Variants in GSG1L observed in about 807,000 individuals in gnomAD.
The protein encoded by GSG1L is GSG1 like, also known as germ cell-specific gene 1-like protein.
A neutral mutation model predicts 42.1 loss-of-function variants in GSG1L; 24 were observed. That is an observed-to-expected ratio of 0.57 (90% CI 0.41 to 0.80). The LOEUF (loss-of-function observed/expected upper bound fraction) is 0.80, where lower values mean the gene tolerates loss of function less well. GSG1L is among the 30% of genes least tolerant of loss of function. GSG1L has a pLI of 0.00. For missense variants in GSG1L, 445 were observed against 472.2 expected, an observed-to-expected ratio of 0.94 and a Z score of 0.53; for synonymous variants, 215 against 203.5, an observed-to-expected ratio of 1.06 and a Z score of -0.48.
chr16:27,895,852 G>A (rs565172191), intron 2 of GSG1L, among the ~76,000 whole-genome samples: 2 of 152,324 alleles, frequency 1.3e-5, no homozygotes, highest in South Asian at 4.1e-4. Flanking sequence ...AAAAGGTAGG[G>A]CAACAGAGCA....
intron 2 of GSG1L, among the ~76,000 whole-genome samples, chr16:27,961,499 T>C (rs2085071990): frequency 6.6e-6 from 1 of 152,252 alleles, no homozygotes; most frequent in Non-Finnish European, 1.5e-5. Flanking sequence ...GTGTGAGACC[T>C]AAGTGACTTC....
intron 4 of GSG1L, among the ~76,000 whole-genome samples, chr16:27,840,807 C>A (rs530520449): frequency 6.6e-6 from 1 of 152,136 alleles, no homozygotes; most frequent in African/African-American, 2.4e-5. Flanking sequence ...CCCAAGGACC[C>A]AGCCTCCAGG....
intron 3 of GSG1L, chr16:27,863,397 C>G (rs915368563): frequency 6.6e-6 from 1 of 152,100 alleles, no homozygotes; most frequent in Non-Finnish European, 1.5e-5. Context: ...AAACTGTTAA[C>G]CCAGCTTTAT....
chr16:27,814,132 G>A (rs2083065487), intron 5 of GSG1L, among the ~76,000 whole-genome samples: 1 of 152,074 alleles, frequency 6.6e-6, no homozygotes, highest in Non-Finnish European at 1.5e-5. Context: ...CTTTCTTTGA[G>A]CCAAAATCTC....
intron 3 of GSG1L, among the ~76,000 whole-genome samples, chr16:27,865,003 T>C (rs1392334533): frequency 6.6e-6 from 1 of 151,978 alleles, no homozygotes; most frequent in Admixed American, 6.6e-5. Flanking sequence ...AGGCTCAGGG[T>C]TTGGTTTGGG....
At chr16:27,880,419 G>T (rs527818780) in intron 3 of GSG1L, among the ~76,000 whole-genome samples, 1 of 152,070 alleles carries the variant, frequency 6.6e-6, no homozygotes, top group Admixed American at 6.6e-5. Flanking sequence ...TTGTCCTCCC[G>T]CCTGGTCACT....
rs2085057279 is a variant in GSG1L, at chr16:27,960,467, T to C, written c.397+2689A>G. Among the ~76,000 whole-genome samples, 3 of 152,322 alleles carry C rather than the reference T, an allele frequency of 2.0e-5. No individual in the cohort carries two copies. The South Asian group carries it at 6.2e-4, about 32-fold the overall frequency. ...CAGACCAGAAAGATGCCAGGAGGGA[T>C]GTCCCAGAGGGAGCCAGTGCGGGAG... On this transcript the variant is annotated intron_variant, in intron 2 of 6. Coordinates refer to ENST00000447459, the MANE Select transcript of GSG1L (RefSeq NM_001109763.2).
intron 2 of GSG1L, among the ~76,000 whole-genome samples, chr16:27,900,928 G>C (rs1390188115): frequency 6.6e-6 from 1 of 151,796 alleles, no homozygotes; most frequent in Non-Finnish European, 1.5e-5. Flanking sequence ...AGGAGTTCAA[G>C]ACCAGCCTGG....
chr16:27,869,597 G>C (rs2083778646), intron 3 of GSG1L, among the ~76,000 whole-genome samples: 1 of 114,774 alleles, frequency 8.7e-6, no homozygotes, highest in African/African-American at 3.7e-5. Context: ...CCTTCTCTCT[G>C]TCTCTGTCTC....
rs187064243 is a variant in GSG1L, at chr16:27,854,330, G to A, written c.551-9269C>T. On this transcript the variant is annotated intron_variant, in intron 3 of 6. Coordinates refer to ENST00000447459, the MANE Select transcript of GSG1L (RefSeq NM_001109763.2). ...GAGAGGAAAAGGAGAAGGAAAAGGG[G>A]GAGGAGGAGGGGGACGGAAGGAGGA... is the stretch of plus-strand genomic sequence containing the variant. Among the ~76,000 whole-genome samples the A allele has an allele frequency of 2.9e-3, 375 of 131,062 alleles. 2 individuals carry two copies. Among genetic ancestry groups the A allele is most frequent in the African/African-American group, 0.01 (358 of 35,198 alleles). 86.0% of individuals were successfully genotyped at this position (131,062 alleles called of 152,430 possible).
chr16:27,865,523 CTATATATATA>C (rs1172385916), intron 3 of GSG1L, among the ~76,000 whole-genome samples: 13 of 58,266 alleles, frequency 2.2e-4, no homozygotes, highest in South Asian at 8.2e-4. Context: ...CTCTCTCTTT[CTATATATATA>C]TATATATATA....
chr16:27,867,900 A>G (rs2083751901), intron 3 of GSG1L, among the ~76,000 whole-genome samples: 1 of 152,186 alleles, frequency 6.6e-6, no homozygotes, highest in African/African-American at 2.4e-5. Context: ...GTCCTGTCCC[A>G]ACCTCCTTGC....
At chr16:27,974,848 G>A (rs910823586) in intron 1 of GSG1L, among the ~76,000 whole-genome samples, 5 of 152,188 alleles carry the variant, frequency 3.3e-5, no homozygotes, top group African/African-American at 1.2e-4. Flanking sequence ...GGTCTCTGCA[G>A]GAAACAGATG....
chr16:27,870,768 C>A (rs2083810237), intron 3 of GSG1L, among the ~76,000 whole-genome samples: 1 of 151,574 alleles, frequency 6.6e-6, no homozygotes, highest in African/African-American at 2.4e-5. Flanking sequence ...TCCTCCATGA[C>A]TCCCACCCTT....
intron 2 of GSG1L, among the ~76,000 whole-genome samples, chr16:27,926,691 A>G (rs1041188706): frequency 6.6e-6 from 1 of 152,194 alleles, no homozygotes; most frequent in African/African-American, 2.4e-5. Context: ...TCCGTCACAA[A>G]GGAAAAAACA....
At chr16:27,847,573 C>T (rs778805682) in intron 3 of GSG1L, among the ~76,000 whole-genome samples, 5 of 152,196 alleles carry the variant, frequency 3.3e-5, no homozygotes, top group Admixed American at 2.6e-4. Flanking sequence ...AAGAGAGAGC[C>T]GAGCTTCCAG....
chr16:27,977,302 C>G (rs193250435), intron 1 of GSG1L, among the ~76,000 whole-genome samples: 128 of 152,272 alleles, frequency 8.4e-4, no homozygotes, highest in African/African-American at 2.9e-3. Flanking sequence ...CAAGACAGGA[C>G]AGGCGCGGTA....
intron 5 of GSG1L, among the ~76,000 whole-genome samples, chr16:27,828,152 C>A (rs1057239918): frequency 2.0e-5 from 3 of 152,154 alleles, no homozygotes; most frequent in African/African-American, 7.2e-5. Context: ...CATCTACCTA[C>A]CCATCCACCC....
At chr16:28,047,597 AG>A (rs199985756) in intron 1 of GSG1L, among the ~76,000 whole-genome samples, 2 of 152,206 alleles carry the variant, frequency 1.3e-5, no homozygotes, top group East Asian at 1.9e-4. Context: ...TAAAATAAAA[AG>A]TCTAGTAAGA....
Sources: allele counts gnomAD v4.1 joint callset (sites outside exome capture counted in the v4.1 genomes callset), GRCh38; gene constraint gnomAD v4.1.1; transcripts MANE v1.5; gene names NCBI Gene and HGNC (gene_info 2026-07-23, HGNC 2026-07-21).